ARHGAP42: variants seen among roughly 807,000 people sequenced by gnomAD.
The protein encoded by ARHGAP42 is Rho GTPase activating protein 42, also known as rho GTPase-activating protein 42.
Under a neutral mutation model 125.0 loss-of-function variants are expected in ARHGAP42, and 63 were observed. That is an observed-to-expected ratio of 0.50 (90% CI 0.41 to 0.62). The LOEUF (loss-of-function observed/expected upper bound fraction) is 0.62, where lower values mean the gene tolerates loss of function less well. Ranked by LOEUF, ARHGAP42 falls within the 20% of genes least tolerant of loss-of-function variation. ARHGAP42 has a pLI of 0.00. For synonymous variants in ARHGAP42, 339 were observed against 351.0 expected (o/e 0.97, Z 0.38); for missense variants, 766 against 1,024.2 (o/e 0.75, Z 3.44).
chr11:100,828,393 G>C (rs1864577641), intron 3 of ARHGAP42, among the ~76,000 whole-genome samples: 1 of 152,098 alleles, frequency 6.6e-6, no homozygotes, highest in Non-Finnish European at 1.5e-5. Flanking sequence ...TACATGCTGT[G>C]CTCACCCCTG....
chr11:100,824,369 T>C (rs1440824293), intron 3 of ARHGAP42, among the ~76,000 whole-genome samples: 1 of 152,186 alleles, frequency 6.6e-6, no homozygotes, highest in Admixed American at 6.5e-5. Context: ...AGACTACTAA[T>C]GACTGAAGTC....
rs538667877 is a variant in ARHGAP42 at position 100,845,696 on chromosome 11, T to G, written c.313-13858T>G. Among the ~76,000 whole-genome samples the G allele has an allele frequency of 1.1e-4, 17 of 152,234 alleles. No homozygotes were observed. The South Asian group carries it at 3.5e-3, about 32-fold the overall frequency. On this transcript the variant is annotated intron_variant, in intron 3 of 23. Coordinates refer to ENST00000298815, the MANE Select transcript of ARHGAP42 (RefSeq NM_152432.4). The stretch of plus-strand genomic sequence containing the variant: ...AGATAGAAGCTTTTGAAAACAGATT[T>G]TATCCACTTCACAGCATTACATAGT...
intron 1 of ARHGAP42, among the ~76,000 whole-genome samples, chr11:100,752,114 G>A (rs1266303200): frequency 6.6e-6 from 1 of 152,010 alleles, no homozygotes; most frequent in African/African-American, 2.4e-5. Context: ...CAGAAATGTT[G>A]ATGTTCCAAC....
At chr11:100,868,051 T>G (rs1865613411) in intron 4 of ARHGAP42, among the ~76,000 whole-genome samples, 1 of 152,194 alleles carries the variant, frequency 6.6e-6, no homozygotes, top group Non-Finnish European at 1.5e-5. Flanking sequence ...AATAGTGGTG[T>G]CAAAGATCAC....
intron 4 of ARHGAP42, among the ~76,000 whole-genome samples, chr11:100,861,454 A>T (rs1865443055): frequency 6.6e-6 from 1 of 152,188 alleles, no homozygotes; most frequent in African/African-American, 2.4e-5. Flanking sequence ...GTCATTCTAG[A>T]TGCATATCAT....
intron 1 of ARHGAP42, among the ~76,000 whole-genome samples, chr11:100,733,780 G>C (rs1332061597): frequency 7.9e-6 from 1 of 127,048 alleles, no homozygotes; most frequent in Non-Finnish European, 1.6e-5. Context: ...AGTGGAGACT[G>C]TGCCACTACA....
chr11:100,881,048 G>A (rs1159940436), intron 4 of ARHGAP42, among the ~76,000 whole-genome samples: 1 of 152,090 alleles, frequency 6.6e-6, no homozygotes, highest in African/African-American at 2.4e-5. Flanking sequence ...TCTGTTTACT[G>A]TGCTAACTGT....
At chr11:100,754,867 A>G (rs1005968642) in intron 1 of ARHGAP42, among the ~76,000 whole-genome samples, 3 of 152,230 alleles carry the variant, frequency 2.0e-5, no homozygotes, top group South Asian at 2.1e-4. Context: ...TTGTTTTCAC[A>G]TGAAAGTAAT....
At chr11:100,936,504 A>G (rs970444948) in intron 8 of ARHGAP42, among the ~76,000 whole-genome samples, 172 bp downstream of exon 8, 2 of 152,192 alleles carry the variant, frequency 1.3e-5, no homozygotes, top group African/African-American at 4.8e-5. Context: ...TTTTGCCATC[A>G]GGATATCTAA....
chr11:100,954,559 C>G (rs377568089), intron 12 of ARHGAP42, among the ~76,000 whole-genome samples: 1 of 152,240 alleles, frequency 6.6e-6, no homozygotes, highest in East Asian at 1.9e-4. Context: ...TATGCAGTTA[C>G]CATCTGTTAT....
At chr11:100,729,183 A>G (rs74860339) in intron 1 of ARHGAP42, among the ~76,000 whole-genome samples, 1 of 151,978 alleles carries the variant, frequency 6.6e-6, no homozygotes, top group Non-Finnish European at 1.5e-5. Flanking sequence ...CAAAATATAC[A>G]GATATGTATT....
chr11:100,907,557 TG>T (rs1358832559), intron 4 of ARHGAP42, among the ~76,000 whole-genome samples: 2 of 152,270 alleles, frequency 1.3e-5, no homozygotes, highest in African/African-American at 4.8e-5. Context: ...TAGGAGTTGT[TG>T]GGTGGAATCA....
At chr11:100,817,806 G>A (rs974995843) in intron 3 of ARHGAP42, among the ~76,000 whole-genome samples, 6 of 152,140 alleles carry the variant, frequency 3.9e-5, no homozygotes. Context: ...GCATTCAGAA[G>A]TGCAACTTTT....
At chr11:100,925,124 A>T (rs1302501098) in intron 6 of ARHGAP42, among the ~76,000 whole-genome samples, 1 of 151,836 alleles carries the variant, frequency 6.6e-6, no homozygotes, top group African/African-American at 2.4e-5. Flanking sequence ...GAGCCACCAC[A>T]CCTGGCCTGA....
chr11:100,975,918 A>T (rs1591334551), intron 19 of ARHGAP42, 139 bp from the exon 20 acceptor site: 2 of 878,794 alleles, frequency 2.3e-6, no homozygotes, highest in East Asian at 2.7e-5. Context: ...AGTTCTCCGT[A>T]CTAGGTAGGG....
intron 2 of ARHGAP42, among the ~76,000 whole-genome samples, chr11:100,776,114 G>C (rs1341560336): frequency 6.6e-6 from 1 of 151,144 alleles, no homozygotes; most frequent in Admixed American, 6.6e-5. Flanking sequence ...AGCTGAGATC[G>C]TGCCATTGCA....
At chr11:100,841,587 A>G (rs1864948158) in intron 3 of ARHGAP42, among the ~76,000 whole-genome samples, 1 of 152,152 alleles carries the variant, frequency 6.6e-6, no homozygotes, top group South Asian at 2.1e-4. Context: ...ATTTCATACC[A>G]TGGTTCTCAA....
At chr11:100,924,752 A>C (rs934634113) in intron 6 of ARHGAP42, among the ~76,000 whole-genome samples, 1 of 152,068 alleles carries the variant, frequency 6.6e-6, no homozygotes, top group Non-Finnish European at 1.5e-5. Flanking sequence ...ATGAACTAAA[A>C]GGGGACATTC....
chr11:100,824,279 G>A (rs1387657644), intron 3 of ARHGAP42, among the ~76,000 whole-genome samples: 1 of 152,156 alleles, frequency 6.6e-6, no homozygotes, highest in Non-Finnish European at 1.5e-5. Flanking sequence ...CATAGATTGT[G>A]TGGTCTGCTC....
Sources: gnomAD v4.1 joint callset for allele counts (sites outside exome capture counted in the v4.1 genomes callset) on GRCh38, gnomAD v4.1.1 for gene constraint, MANE v1.5 for transcripts, NCBI Gene and HGNC (gene_info 2026-07-23, HGNC 2026-07-21) for gene names.